The following RTL4 variants were observed in gnomAD, a reference collection of about 807,000 sequenced individuals.
The protein encoded by RTL4 is retrotransposon Gag like 4.
A neutral mutation model predicts 5.3 loss-of-function variants in RTL4; 4 were observed. That is an observed-to-expected ratio of 0.75 (90% CI 0.37 to 1.72). RTL4 has a LOEUF of 1.72. Ranked by LOEUF, RTL4 falls within the 40% of genes most tolerant of loss-of-function variation. RTL4 has a pLI of 0.04. For synonymous variants in RTL4, 98 were observed against 87.3 expected, an observed-to-expected ratio of 1.12 and a Z score of -0.68; for missense variants, 260 against 227.1, an observed-to-expected ratio of 1.14 and a Z score of -0.93.
the RTL4 span, among the ~76,000 whole-genome samples, chrX:112,185,376 A>AATATATATATATAT: frequency 1.9e-4 from 16 of 85,314 alleles, no homozygotes; most frequent in African/African-American, 6.4e-4. Flanking sequence ...CTATTTTATT[A>AATATATATATATAT]ATATATATAT....
At chrX:112,210,140 T>C in the RTL4 span, among the ~76,000 whole-genome samples, 3,865 of 112,175 alleles carry the variant, frequency 0.034, 164 homozygotes, top group African/African-American at 0.12. Context: ...GGATTGCATC[T>C]TTCAGTGCAA....
At chrX:112,426,284 C>T in the RTL4 span, among the ~76,000 whole-genome samples, 1 of 111,169 alleles carries the variant, frequency 9.0e-6, no homozygotes, top group Non-Finnish European at 1.9e-5. Context: ...TTAATTTATT[C>T]ATTTATTCTT....
the RTL4 span, among the ~76,000 whole-genome samples, chrX:112,353,969 G>A: frequency 9.0e-6 from 1 of 111,555 alleles, no homozygotes; most frequent in East Asian, 2.8e-4. Flanking sequence ...TGAAGCTAAA[G>A]TCATTTTCAT....
At chrX:112,230,705 A>G in the RTL4 span, among the ~76,000 whole-genome samples, 1 of 112,376 alleles carries the variant, frequency 8.9e-6, no homozygotes. Flanking sequence ...AGCAATGGCA[A>G]TAAAAGCCAA....
upstream of RTL4, among the ~76,000 whole-genome samples, chrX:112,450,462 T>C (rs1358665831): frequency 2.7e-5 from 3 of 111,971 alleles, no homozygotes; most frequent in African/African-American, 9.7e-5. Flanking sequence ...TTCAAGGCTG[T>C]GGTCTGAAAC....
chrX:112,244,149 G>T, the RTL4 span, among the ~76,000 whole-genome samples: 1 of 111,982 alleles, frequency 8.9e-6, no homozygotes, highest in African/African-American at 3.3e-5. Flanking sequence ...GTGTGATGTG[G>T]TGCTGAGAAG....
At chrX:112,270,579 G>A in the RTL4 span, among the ~76,000 whole-genome samples, 1 of 111,732 alleles carries the variant, frequency 8.9e-6, no homozygotes, top group South Asian at 3.8e-4. Context: ...AATGGTTCCA[G>A]TTGCTATAAC....
At chrX:112,446,318 AGC>A in the RTL4 span, among the ~76,000 whole-genome samples, 1 of 111,910 alleles carries the variant, frequency 8.9e-6, no homozygotes, top group Non-Finnish European at 1.9e-5. Context: ...AGAGGAGAGT[AGC>A]CACAAACTAA....
exon 1 of RTL4, chrX:112,456,553 G>A (rs1926848107): frequency 3.4e-6 from 1 of 294,324 alleles, no homozygotes; most frequent in African/African-American, 2.8e-5. Flanking sequence ...GTTGGGGATG[G>A]TGTGTCATAA....
chrX:112,428,356 C>T, the RTL4 span, among the ~76,000 whole-genome samples: 34 of 111,934 alleles, frequency 3.0e-4, no homozygotes, highest in African/African-American at 1.0e-3. Context: ...ACTGTATTTT[C>T]ATTTTTATTT....
the RTL4 span, among the ~76,000 whole-genome samples, chrX:112,335,801 C>T: frequency 1.8e-5 from 2 of 109,383 alleles, no homozygotes; most frequent in Non-Finnish European, 3.8e-5. Context: ...AGACTGCAGC[C>T]AGTAAAATCT....
At chrX:112,129,369 T>A in the RTL4 span, among the ~76,000 whole-genome samples, 1 of 112,235 alleles carries the variant, frequency 8.9e-6, no homozygotes, top group Admixed American at 9.4e-5. Flanking sequence ...TGAAAACATT[T>A]ACCCACACAA....
chrX:112,275,646 A>G, the RTL4 span, among the ~76,000 whole-genome samples: 1 of 111,919 alleles, frequency 8.9e-6, no homozygotes, highest in Non-Finnish European at 1.9e-5. Flanking sequence ...TTAAAAAGAA[A>G]AAAACCTGGC....
At chrX:112,329,504 G>T in the RTL4 span, among the ~76,000 whole-genome samples, 13 of 111,019 alleles carry the variant, frequency 1.2e-4, no homozygotes, top group Middle Eastern at 4.6e-3. Context: ...CTCTGAAATT[G>T]TGGCAATAAT....
chrX:112,134,354 T>A, the RTL4 span, among the ~76,000 whole-genome samples: 1 of 112,250 alleles, frequency 8.9e-6, no homozygotes, highest in African/African-American at 3.2e-5. Flanking sequence ...TGGGACTAAA[T>A]TATTTCAGAC....
the RTL4 span, among the ~76,000 whole-genome samples, chrX:112,161,824 C>CTTTCTTTCTTT: frequency 7.5e-4 from 29 of 38,866 alleles, no homozygotes; most frequent in African/African-American, 2.3e-3. Context: ...TTCCTTCCTT[C>CTTTCTTTCTTT]CTTCCTTCCT....
chrX:112,145,647 T>G, the RTL4 span, among the ~76,000 whole-genome samples: 1 of 111,449 alleles, frequency 9.0e-6, no homozygotes, highest in East Asian at 2.8e-4. Context: ...TGTAAACAAG[T>G]AAAAAAAGTG....
At chrX:112,160,398 T>A in the RTL4 span, among the ~76,000 whole-genome samples, 2 of 112,128 alleles carry the variant, frequency 1.8e-5, no homozygotes, top group Admixed American at 1.9e-4. Context: ...CACATAATCA[T>A]CTTATTTATT....
the RTL4 span, among the ~76,000 whole-genome samples, chrX:112,209,684 G>T: frequency 9.9e-5 from 11 of 111,352 alleles, no homozygotes; most frequent in African/African-American, 3.6e-4. Context: ...GGCCGATCAC[G>T]TATATACCAC....
Sources: gnomAD v4.1 joint callset for allele counts (sites outside exome capture counted in the v4.1 genomes callset) on GRCh38, gnomAD v4.1.1 for gene constraint, MANE v1.5 for transcripts, NCBI Gene and HGNC (gene_info 2026-07-23, HGNC 2026-07-21) for gene names.